MCC: variants seen among roughly 807,000 people sequenced by gnomAD.
MCC encodes MCC regulator of Wnt signaling pathway.
Under a neutral mutation model 116.2 loss-of-function variants are expected in MCC, and 90 were observed. That is an observed-to-expected ratio of 0.77 (90% CI 0.65 to 0.92). The LOEUF (loss-of-function observed/expected upper bound fraction) is 0.92. Ranked by LOEUF, MCC falls within the 40% of genes least tolerant of loss-of-function variation. The pLI, the probability that MCC is intolerant of heterozygous loss-of-function variation, is 0.00. For missense variants in MCC, 1,516 were observed against 1,312.2 expected, an observed-to-expected ratio of 1.16 and a Z score of -2.40; for synonymous variants, 578 against 510.5, an observed-to-expected ratio of 1.13 and a Z score of -1.78.
At chr5:113,044,678 G>A (rs186873719) in intron 16 of MCC, among the ~76,000 whole-genome samples, 5 of 152,158 alleles carry the variant, frequency 3.3e-5, no homozygotes, top group Non-Finnish European at 7.4e-5. Flanking sequence ...GGGTTCAAGC[G>A]ATTCTCCCAC....
intron 8 of MCC, among the ~76,000 whole-genome samples, chr5:113,099,175 T>C (rs1233668487): frequency 6.6e-6 from 1 of 152,246 alleles, no homozygotes; most frequent in Non-Finnish European, 1.5e-5. Context: ...GGTATGTATA[T>C]AAATTCCTGA....
intron 3 of MCC, among the ~76,000 whole-genome samples, chr5:113,159,173 T>G (rs888404641): frequency 6.6e-6 from 1 of 152,180 alleles, no homozygotes; most frequent in African/African-American, 2.4e-5. Flanking sequence ...GTAGAAGGGT[T>G]TGTATCGGAT....
chr5:113,342,276 T>C (rs990895000), intron 2 of MCC, among the ~76,000 whole-genome samples: 1 of 152,230 alleles, frequency 6.6e-6, no homozygotes, highest in Non-Finnish European at 1.5e-5. Context: ...ATTTTTGCAA[T>C]AGCGAATTGT....
intron 6 of MCC, among the ~76,000 whole-genome samples, chr5:113,111,144 G>A (rs113293101): frequency 0.02 from 3,015 of 152,310 alleles, 116 homozygotes; most frequent in African/African-American, 0.069. Context: ...TTATGTTGCT[G>A]TTTGGGGAAA....
chr5:113,242,154 A>C (rs68069850), intron 3 of MCC, among the ~76,000 whole-genome samples: 24,296 of 152,212 alleles, frequency 0.16, 2,283 homozygotes, highest in Admixed American at 0.29. Flanking sequence ...CAGATTCATT[A>C]GAAATATTCT....
chr5:113,434,284 C>G lies in MCC; in HGVS notation c.171-49072G>C, dbSNP rs996911846. 2 of 1,614,030 alleles carry G rather than the reference C, an allele frequency of 1.2e-6. No individual in the cohort carries two copies. Among genetic ancestry groups the G allele is most frequent in the African/African-American group, 2.7e-5 (2 of 74,920 alleles). On this transcript the variant is annotated intron_variant, in intron 1 of 18. Transcript: ENST00000408903. This position sits in a 1 kb window ranked among gnomAD's most constrained non-coding sequence, Gnocchi z 4.2. ...GGCTGGTAGGGAATGCCCTGCAGCA[C>G]CTCTGGGGCCGCATACGCTGGTGAC...
chr5:113,329,882 G>C (rs958297881), intron 3 of MCC, among the ~76,000 whole-genome samples: 4 of 152,180 alleles, frequency 2.6e-5, no homozygotes, highest in African/African-American at 9.7e-5. Flanking sequence ...GGGCAGGAGA[G>C]GAAAACTGAG....
chr5:113,326,910 T>C (rs1466791317), intron 3 of MCC, among the ~76,000 whole-genome samples: 1 of 152,224 alleles, frequency 6.6e-6, no homozygotes, highest in Non-Finnish European at 1.5e-5. Context: ...CCCTAAAATA[T>C]CTCTTAAAGA....
At chr5:113,451,403 G>A (rs1395665207) in intron 1 of MCC, among the ~76,000 whole-genome samples, 1 of 152,232 alleles carries the variant, frequency 6.6e-6, no homozygotes, top group Non-Finnish European at 1.5e-5. Context: ...ACAACCCTGA[G>A]AGGAAAGCAT....
chr5:113,424,454 C>A (rs1166361311), intron 1 of MCC, among the ~76,000 whole-genome samples: 2 of 152,134 alleles, frequency 1.3e-5, no homozygotes, highest in Non-Finnish European at 2.9e-5. Context: ...ATGGCTCACA[C>A]CTGTAATCCC....
At chr5:113,048,816 G>A (rs1229095880) in intron 16 of MCC, 6 of 543,134 alleles carry the variant, frequency 1.1e-5, no homozygotes, top group Non-Finnish European at 1.9e-5. Context: ...GGTGAGAACA[G>A]TATCAGTGGA....
At chr5:113,335,585 A>C (rs1193587683) in intron 3 of MCC, among the ~76,000 whole-genome samples, 1 of 151,708 alleles carries the variant, frequency 6.6e-6, no homozygotes, top group African/African-American at 2.4e-5. Context: ...ATTTCCTGGT[A>C]ATACAAATCT....
intron 3 of MCC, among the ~76,000 whole-genome samples, chr5:113,190,707 G>A (rs751866205): frequency 1.6e-4 from 25 of 152,200 alleles, no homozygotes; most frequent in Non-Finnish European, 3.4e-4. Context: ...CAGAATCTGA[G>A]CATGTCGAGC....
At chr5:113,105,858 A>C (rs984779454) in intron 6 of MCC, among the ~76,000 whole-genome samples, 3 of 152,188 alleles carry the variant, frequency 2.0e-5, no homozygotes, top group Non-Finnish European at 2.9e-5. Context: ...ATTCATATAA[A>C]GTCCCAACTC....
At chr5:113,417,576 C>G (rs190040289) in intron 1 of MCC, among the ~76,000 whole-genome samples, 3 of 152,240 alleles carry the variant, frequency 2.0e-5, no homozygotes, top group Non-Finnish European at 2.9e-5. Flanking sequence ...TCTTGGAGTT[C>G]TAAAAGCCAA....
At chr5:113,469,588 G>C (rs1037295162) in intron 1 of MCC, among the ~76,000 whole-genome samples, 3 of 152,178 alleles carry the variant, frequency 2.0e-5, no homozygotes, top group Non-Finnish European at 4.4e-5. Context: ...TTGCTGAGGA[G>C]TGCTTTACTT....
chr5:113,358,867 T>G (rs938322155), intron 2 of MCC, among the ~76,000 whole-genome samples: 1 of 152,192 alleles, frequency 6.6e-6, no homozygotes, highest in Admixed American at 6.5e-5. Context: ...ATGCTTGGTA[T>G]GAAATTCAGG....
chr5:113,182,825 C>T (rs1761700359), intron 3 of MCC, among the ~76,000 whole-genome samples: 1 of 152,180 alleles, frequency 6.6e-6, no homozygotes, highest in Non-Finnish European at 1.5e-5. Flanking sequence ...GAGGAACTGA[C>T]AATCCAGATG....
intron 5 of MCC, among the ~76,000 whole-genome samples, chr5:113,129,778 C>A (rs1000473621): frequency 2.2e-4 from 34 of 152,184 alleles, no homozygotes. Context: ...ATCAAAAACA[C>A]AACAAGATAC....
Sources: allele counts gnomAD v4.1 joint callset (sites outside exome capture counted in the v4.1 genomes callset), GRCh38; gene constraint gnomAD v4.1.1; non-coding constraint Gnocchi (gnomAD v3.1); transcripts MANE v1.5; gene names NCBI Gene and HGNC (gene_info 2026-07-23, HGNC 2026-07-21).